The following BCAS3 variants were observed in gnomAD, a reference collection of about 807,000 sequenced individuals.
BCAS3 encodes the protein BCAS4/BCAS3 fusion.
BCAS3 carries 53 observed loss-of-function variants against 116.1 expected under a neutral mutation model. The observed-to-expected ratio is 0.46, with a 90% confidence interval of 0.37 to 0.57. BCAS3 has a LOEUF of 0.57. Ranked by LOEUF, BCAS3 falls within the 20% of genes least tolerant of loss-of-function variation. The pLI, the probability that BCAS3 is intolerant of heterozygous loss-of-function variation, is 0.00. For missense variants in BCAS3, 917 were observed against 1,165.4 expected (o/e 0.79, Z 3.10); for synonymous variants, 391 against 408.2 (o/e 0.96, Z 0.51).
chr17:61,031,717 G>C (rs2066654809), intron 16 of BCAS3, among the ~76,000 whole-genome samples: 1 of 151,998 alleles, frequency 6.6e-6, no homozygotes, highest in South Asian at 2.1e-4. Flanking sequence ...TTATGTAGCA[G>C]ATAGCAAGTT....
intron 12 of BCAS3, among the ~76,000 whole-genome samples, chr17:60,913,606 T>C (rs2058631150): frequency 6.6e-6 from 1 of 152,150 alleles, no homozygotes; most frequent in Non-Finnish European, 1.5e-5. Flanking sequence ...CCCCTTCCGC[T>C]GATGTTTAGC....
At chr17:60,682,877 T>C (rs771813482) in intron 2 of BCAS3, among the ~76,000 whole-genome samples, 5 of 152,212 alleles carry the variant, frequency 3.3e-5, no homozygotes, top group Admixed American at 6.6e-5. Context: ...TTACGTACTT[T>C]GTATTTAAAA....
chr17:60,923,881 G>T (rs904001648), intron 12 of BCAS3, among the ~76,000 whole-genome samples: 3 of 152,084 alleles, frequency 2.0e-5, no homozygotes, highest in African/African-American at 4.8e-5. Context: ...GAAACTGAGA[G>T]TTGAAGAACA....
At chr17:61,277,632 T>TATATAAGA (rs2050882516) in intron 22 of BCAS3, among the ~76,000 whole-genome samples, 2 of 132,890 alleles carry the variant, frequency 1.5e-5, no homozygotes, top group Admixed American at 7.0e-5. Flanking sequence ...ATATAAGAAC[T>TATATAAGA]ACTACATACA....
intron 9 of BCAS3, among the ~76,000 whole-genome samples, chr17:60,875,386 A>G (rs962103786): frequency 5.3e-5 from 8 of 152,248 alleles, no homozygotes; most frequent in East Asian, 1.9e-4. Flanking sequence ...GATTTTCTGT[A>G]TGATGGAAAA....
rs1383609248 is a variant in BCAS3, at chr17:61,087,656, T to C, written c.2425+3092T>C. ...TTTCTTAATATCTGGTAATCTCTGG[T>C]TCATGCTTTTGCAAAGAAACACATT... On this transcript the variant is annotated intron_variant, in intron 22 of 23. Coordinates refer to ENST00000407086, the MANE Select transcript of BCAS3 (RefSeq NM_017679.5). This position sits in a 1 kb window ranked among gnomAD's most constrained non-coding sequence, Gnocchi z 4.6. Among the ~76,000 whole-genome samples, 1 of 152,200 alleles carries C rather than the reference T, an allele frequency of 6.6e-6. No individual in the cohort carries two copies. Among genetic ancestry groups the C allele is most frequent in the East Asian group, 1.9e-4 (1 of 5,200 alleles).
chr17:61,209,481 G>A (rs1366270663), intron 22 of BCAS3, among the ~76,000 whole-genome samples: 2 of 152,194 alleles, frequency 1.3e-5, no homozygotes, highest in South Asian at 2.1e-4. Context: ...ATAAAGGCAA[G>A]GGGAGGAGGG....
intron 22 of BCAS3, among the ~76,000 whole-genome samples, chr17:61,329,340 A>ATTTTTTTTTTTTTTTTTTTT (rs199612323): frequency 9.1e-6 from 1 of 109,414 alleles, no homozygotes; most frequent in African/African-American, 3.0e-5. Context: ...TATTATTATT[A>ATTTTTTTTTTTTTTTTTTTT]TTATTTTTTT....
In BCAS3 at chr17:61,189,688, TC is replaced by T. The variant is rs2079987114; in HGVS notation, c.2425+105125del. 6.6e-6 allele frequency among the ~76,000 whole-genome samples: 1 copy of T among 152,190 alleles called. No homozygotes were observed. The highest frequency in any genetic ancestry group is 2.1e-4 in the South Asian group (1 of 4,826). ...AATTGTCAGGCATGGTGACTGGATA[TC>T]AGTCATGAGGAGAAGGGGGAAGAGT... is the stretch of plus-strand genomic sequence containing the variant. On this transcript the variant is annotated intron_variant, in intron 22 of 23. Coordinates refer to ENST00000407086, the MANE Select transcript of BCAS3 (RefSeq NM_017679.5). The surrounding 1 kb of genome is among the most constrained non-coding windows in gnomAD (Gnocchi z 4.5).
intron 7 of BCAS3, among the ~76,000 whole-genome samples, chr17:60,865,325 A>G (rs1340060081): frequency 6.6e-6 from 1 of 152,222 alleles, no homozygotes; most frequent in Admixed American, 6.5e-5. Context: ...GTCTTTAAAA[A>G]GGCCTGGTAG....
intron 22 of BCAS3, among the ~76,000 whole-genome samples, chr17:61,268,770 C>G (rs948953519): frequency 1.3e-5 from 2 of 152,054 alleles, no homozygotes; most frequent in Non-Finnish European, 2.9e-5. Flanking sequence ...TTTGGCCAGG[C>G]CAGTTTCAAA....
intron 22 of BCAS3, among the ~76,000 whole-genome samples, chr17:61,158,193 A>G (rs1028103187): frequency 6.6e-6 from 1 of 152,190 alleles, no homozygotes; most frequent in African/African-American, 2.4e-5. Context: ...ACATTCATGG[A>G]AAGATTTATT....
intron 6 of BCAS3, among the ~76,000 whole-genome samples, chr17:60,772,773 T>C (rs1419717492): frequency 6.6e-6 from 1 of 152,078 alleles, no homozygotes; most frequent in Non-Finnish European, 1.5e-5. Flanking sequence ...CTCAGGAGGC[T>C]GAGGCAGGAG....
At chr17:60,744,149 C>T (rs1481109428) in intron 5 of BCAS3, among the ~76,000 whole-genome samples, 1 of 152,182 alleles carries the variant, frequency 6.6e-6, no homozygotes, top group Admixed American at 6.5e-5. Context: ...CCACAGTTGC[C>T]AGGAAGTTGG....
intron 23 of BCAS3, among the ~76,000 whole-genome samples, chr17:61,373,949 A>G (rs2059198760): frequency 6.9e-6 from 1 of 145,740 alleles, no homozygotes; most frequent in African/African-American, 2.5e-5. Context: ...CTGAGCGACT[A>G]GGACTACAGG....
chr17:61,264,425 TAG>T lies in BCAS3; in HGVS notation c.2426-103893_2426-103892del, dbSNP rs1404893297. ...AGGTAAGTCTTTTTTTTTTTTTTTT[TAG>T]AGAGAGAGTCTCACTCTGTTGCCCA... is the stretch of plus-strand genomic sequence containing the variant. On this transcript the variant is annotated intron_variant, in intron 22 of 23. Coordinates refer to ENST00000407086, the MANE Select transcript of BCAS3 (RefSeq NM_017679.5). Among the ~76,000 whole-genome samples, 7 of 151,444 alleles carry T rather than the reference TAG, an allele frequency of 4.6e-5. No homozygotes were observed. The South Asian group carries it at 1.0e-3, about 23-fold the overall frequency.
chr17:60,736,882 C>T, intron 5 of BCAS3, among the ~76,000 whole-genome samples: 1 of 142,744 alleles, frequency 7.0e-6, no homozygotes, highest in African/African-American at 2.7e-5. Context: ...TTTTCCTTCC[C>T]TCCCTCCCTC....
chr17:61,090,718 C>T (rs566112603), intron 22 of BCAS3, among the ~76,000 whole-genome samples: 8 of 152,108 alleles, frequency 5.3e-5, no homozygotes, highest in Admixed American at 2.6e-4. Context: ...AGTGCAGTGG[C>T]GTGATCTTGG....
intron 7 of BCAS3, among the ~76,000 whole-genome samples, chr17:60,833,100 C>T (rs943004841): frequency 6.6e-6 from 1 of 152,084 alleles, no homozygotes; most frequent in Non-Finnish European, 1.5e-5. Flanking sequence ...CTCCTGAGCT[C>T]AAGCGATCCT....
Sources: allele counts gnomAD v4.1 joint callset (sites outside exome capture counted in the v4.1 genomes callset), GRCh38; gene constraint gnomAD v4.1.1; non-coding constraint Gnocchi (gnomAD v3.1); transcripts MANE v1.5; gene names NCBI Gene and HGNC (gene_info 2026-07-23, HGNC 2026-07-21).